The following NME9 variants were observed in gnomAD, a reference collection of about 807,000 sequenced individuals.
NME9 encodes thioredoxin domain-containing protein 6.
Under a neutral mutation model 44.4 loss-of-function variants are expected in NME9, and 48 were observed. The ratio of observed to expected loss-of-function variants is 1.08; its 90% CI spans 0.86 to 1.37. The LOEUF (loss-of-function observed/expected upper bound fraction) is 1.37, where lower values mean the gene tolerates loss of function less well. Among genes scored for constraint, NME9 ranks in the 40% most tolerant of loss-of-function variants. The pLI, the probability that NME9 is intolerant of heterozygous loss-of-function variation, is 0.00. For synonymous variants in NME9, 139 were observed against 147.1 expected, an observed-to-expected ratio of 0.94 and a Z score of 0.40; for missense variants, 325 against 405.2, an observed-to-expected ratio of 0.80 and a Z score of 1.70.
intron 9 of NME9, 150 bp from the exon 10 acceptor site, chr3:138,303,793 A>C: frequency 1.4e-6 from 1 of 703,198 alleles, no homozygotes; most frequent in Non-Finnish European, 2.4e-6. Context: ...AACAGCAGCA[A>C]TGATAATAGC....
At chr3:138,270,950 C>T (rs1435260853) in intron 8 of NME9, among the ~76,000 whole-genome samples, 1 of 152,104 alleles carries the variant, frequency 6.6e-6, no homozygotes, top group Non-Finnish European at 1.5e-5. Flanking sequence ...ATTTATCCCT[C>T]ATTCTTATTT....
chr3:138,273,821 C>CT (rs764799623), intron 8 of NME9, among the ~76,000 whole-genome samples: 2,572 of 145,114 alleles, frequency 0.018, 52 homozygotes, highest in African/African-American at 0.053. Context: ...ATGCTTCCCC[C>CT]TTTTTTTTTT....
At chr3:138,272,212 C>A (rs2048867344) in intron 8 of NME9, among the ~76,000 whole-genome samples, 2 of 152,160 alleles carry the variant, frequency 1.3e-5, no homozygotes, top group Non-Finnish European at 2.9e-5. Flanking sequence ...GTATTGTGAA[C>A]ACAAGAGATG....
chr3:138,306,783 G>A (rs1328152789), intron 6 of NME9, among the ~76,000 whole-genome samples: 1 of 152,216 alleles, frequency 6.6e-6, no homozygotes, highest in Non-Finnish European at 1.5e-5. Flanking sequence ...CATGGGAGAA[G>A]GGATTGCTCA....
At chr3:138,261,791 A>AC (rs2047771384) in exon 9 of NME9, 1 of 152,316 alleles carries the variant, frequency 6.6e-6, no homozygotes, top group African/African-American at 2.4e-5. Context: ...AGCTTGAAGT[A>AC]CCCAACCTTG....
chr3:138,313,129 G>A (rs1027206294), intron 6 of NME9, among the ~76,000 whole-genome samples: 3 of 152,172 alleles, frequency 2.0e-5, no homozygotes, highest in Non-Finnish European at 2.9e-5. Flanking sequence ...GGTGGCTCAC[G>A]CCTGTAATCC....
chr3:138,281,275 G>A (rs2049891295), intron 8 of NME9, among the ~76,000 whole-genome samples: 1 of 151,376 alleles, frequency 6.6e-6, no homozygotes, highest in Non-Finnish European at 1.5e-5. Flanking sequence ...TCAATGAGTT[G>A]GCCCAATAAT....
intron 2 of NME9, among the ~76,000 whole-genome samples, chr3:138,322,315 G>T (rs922060572): frequency 2.1e-5 from 3 of 146,178 alleles, no homozygotes; most frequent in African/African-American, 7.6e-5. Context: ...GGACGCCCTG[G>T]CTCTGTGAGG....
rs1303216775 is a variant in NME9 at position 138,301,713 on chromosome 3, T to C, written c.929-9A>G. 1 of 1,535,358 alleles carries C rather than the reference T, an allele frequency of 6.5e-7. No individual in the cohort carries two copies. The highest frequency in any genetic ancestry group is 8.7e-7 in the Non-Finnish European group (1 of 1,146,234). On this transcript the variant is annotated splice_polypyrimidine_tract_variant and intron_variant, in intron 10 of 10. Coordinates refer to ENST00000333911, the MANE Select transcript of NME9 (RefSeq NM_001349018.2). ...TGCTTCAGCCTCACCGCCTGTGGGA[T>C]GACAGATGTTTGGTAGGACTCCTGA...
In NME9 at chr3:138,304,728, G is replaced by A. The variant is rs146771218; in HGVS notation, c.791+145C>T. On this transcript the variant is annotated intron_variant, in intron 9 of 10. Transcript: ENST00000333911. ...CTGGAACAGAGCGGGAAGATGTCAG[G>A]GTCTCCCCAAATATATAATAGAGAG... 3.6e-4 allele frequency: 285 copies of A among 798,624 alleles called. 1 individual carries two copies. Among genetic ancestry groups the A allele is most frequent in the East Asian group, 2.8e-4 (11 of 39,166 alleles). The allele number at this position is 798,624 out of a possible 1,614,324, so 49.5% of individuals were successfully genotyped here. A position where few individuals can be genotyped will look rare whatever the true frequency, so the allele number is the denominator to read the frequency against.
downstream of NME9, chr3:138,296,723 T>C (rs935944920): frequency 2.0e-5 from 3 of 152,138 alleles, no homozygotes; most frequent in Non-Finnish European, 4.4e-5. Context: ...AGAAGTAAAG[T>C]GAGGCAACAG....
At chr3:138,292,960 G>A (rs2051111696) in intron 8 of NME9, among the ~76,000 whole-genome samples, 1 of 152,162 alleles carries the variant, frequency 6.6e-6, no homozygotes. Flanking sequence ...ATGCCTGGAC[G>A]GTGGCCGTTT....
At chr3:138,263,526 C>G in intron 8 of NME9, 1 of 586,140 alleles carries the variant, frequency 1.7e-6, no homozygotes, top group Non-Finnish European at 3.1e-6. Flanking sequence ...CTGCCCCTTA[C>G]GCCTGTCATT....
chr3:138,272,166 G>T (rs2048862991), intron 8 of NME9, among the ~76,000 whole-genome samples: 1 of 152,164 alleles, frequency 6.6e-6, no homozygotes, highest in African/African-American at 2.4e-5. Context: ...AGAGCTTCCT[G>T]TGTGATACAG....
At chr3:138,288,547 C>G (rs2108376813) in intron 8 of NME9, among the ~76,000 whole-genome samples, 1 of 152,192 alleles carries the variant, frequency 6.6e-6, no homozygotes, top group South Asian at 2.1e-4. Flanking sequence ...CTCCACTGTC[C>G]CTTGTTATCT....
At chr3:138,296,114 T>C (rs1319978302), downstream of NME9, 1 of 497,428 alleles carries the variant, frequency 2.0e-6, no homozygotes, top group African/African-American at 2.0e-5. Flanking sequence ...TTGGTTTTTT[T>C]TTCTGAGCTA....
chr3:138,265,094 G>A (rs910866357), intron 8 of NME9, among the ~76,000 whole-genome samples: 7 of 151,838 alleles, frequency 4.6e-5, no homozygotes, highest in East Asian at 1.9e-4. Context: ...ACAAGGTCTC[G>A]CCAAGTTGCC....
chr3:138,303,704 T>C (rs1408870229), intron 9 of NME9, 61 bp from the exon 10 acceptor site: 39 of 1,533,144 alleles, frequency 2.5e-5, no homozygotes, highest in Non-Finnish European at 3.5e-5. Flanking sequence ...AATGTTTTGC[T>C]TTCTGGCAAC....
intron 8 of NME9, among the ~76,000 whole-genome samples, chr3:138,284,244 G>C (rs2050194733): frequency 6.6e-6 from 1 of 152,188 alleles, no homozygotes; most frequent in Admixed American, 6.5e-5. Flanking sequence ...TTTTGCCTAA[G>C]GTAGATTTTG....
Sources: gnomAD v4.1 joint callset for allele counts (sites outside exome capture counted in the v4.1 genomes callset) on GRCh38, gnomAD v4.1.1 for gene constraint, MANE v1.5 for transcripts, NCBI Gene and HGNC (gene_info 2026-07-23, HGNC 2026-07-21) for gene names.